CPAP: variants seen among roughly 807,000 people sequenced by gnomAD.
CPAP encodes centrosomal P4.1-associated protein.
At chr13:24,891,955 C>T in the CPAP span, among the ~76,000 whole-genome samples, 2 of 152,322 alleles carry the variant, frequency 1.3e-5, no homozygotes, top group South Asian at 2.1e-4. Context: ...TCCTTACATG[C>T]GCTTCCCAGA....
At chr13:24,906,646 G>A in the CPAP span, 1 of 1,614,068 alleles carries the variant, frequency 6.2e-7, no homozygotes, top group African/African-American at 1.3e-5. Flanking sequence ...GACTTTTCCT[G>A]TTACTACACT....
At chr13:24,899,535 T>C in the CPAP span, 11 of 1,613,928 alleles carry the variant, frequency 6.8e-6, no homozygotes, top group Admixed American at 1.7e-5. Flanking sequence ...AACTCTTCTA[T>C]TCGAGCTAAT....
chr13:24,912,194 C>G, the CPAP span: 1 of 870,416 alleles, frequency 1.1e-6, no homozygotes, highest in Non-Finnish European at 1.8e-6. Context: ...GACAGGGACC[C>G]CTAGGTAACT....
At chr13:24,928,848 C>A in the CPAP span, among the ~76,000 whole-genome samples, 2 of 152,116 alleles carry the variant, frequency 1.3e-5, no homozygotes, top group South Asian at 4.1e-4. Context: ...TCCTGGAAAC[C>A]TAATGGGTCT....
chr13:24,894,189 G>A, the CPAP span, among the ~76,000 whole-genome samples: 1 of 152,216 alleles, frequency 6.6e-6, no homozygotes, highest in Non-Finnish European at 1.5e-5. Context: ...GAGGTTCTTG[G>A]AGGAAGGAAA....
At chr13:24,899,504 T>C in the CPAP span, 1 of 1,613,458 alleles carries the variant, frequency 6.2e-7, no homozygotes, top group Non-Finnish European at 8.5e-7. Flanking sequence ...CTTTTGTAGC[T>C]TCCTCATCTC....
the CPAP span, among the ~76,000 whole-genome samples, chr13:24,933,752 TCTCA>T: frequency 6.6e-6 from 1 of 151,196 alleles, no homozygotes; most frequent in Non-Finnish European, 1.5e-5. Flanking sequence ...TTAGATGGAG[TCTCA>T]CTCTGTTGCC....
At chr13:24,930,683 T>A in the CPAP span, among the ~76,000 whole-genome samples, 1 of 152,266 alleles carries the variant, frequency 6.6e-6, no homozygotes, top group Non-Finnish European at 1.5e-5. Context: ...ATGGTGCATA[T>A]GTACCACATT....
the CPAP span, chr13:24,907,918 C>G: frequency 3.3e-3 from 3,016 of 924,438 alleles, 57 homozygotes; most frequent in Non-Finnish European, 1.2e-3. Flanking sequence ...CAAGCAAAAA[C>G]CAGAAAAATA....
At chr13:24,907,828 G>C in the CPAP span, among the ~76,000 whole-genome samples, 1 of 152,172 alleles carries the variant, frequency 6.6e-6, no homozygotes, top group South Asian at 2.1e-4. Context: ...ACAATGTCAA[G>C]GCAGCTTGAC....
the CPAP span, among the ~76,000 whole-genome samples, chr13:24,910,593 T>A: frequency 6.6e-6 from 1 of 152,216 alleles, no homozygotes; most frequent in Non-Finnish European, 1.5e-5. Flanking sequence ...TTTGGGGCTC[T>A]CAAATATTTA....
At chr13:24,906,365 T>C in the CPAP span, 20 of 1,612,534 alleles carry the variant, frequency 1.2e-5, no homozygotes, top group African/African-American at 2.5e-4. Flanking sequence ...TAACTTTTTC[T>C]GAAGAGAAAC....
the CPAP span, among the ~76,000 whole-genome samples, chr13:24,920,382 A>G: frequency 1.2e-3 from 183 of 152,340 alleles, no homozygotes; most frequent in African/African-American, 4.3e-3. Flanking sequence ...GAGTTGTAGA[A>G]GAGTTGTATA....
At chr13:24,923,271 T>G in the CPAP span, among the ~76,000 whole-genome samples, 1 of 150,164 alleles carries the variant, frequency 6.7e-6, no homozygotes, top group Non-Finnish European at 1.5e-5. Context: ...TTGCGTACGG[T>G]CTATTTTGTC....
the CPAP span, among the ~76,000 whole-genome samples, chr13:24,900,674 T>C: frequency 1.3e-5 from 2 of 151,832 alleles, no homozygotes; most frequent in Admixed American, 6.6e-5. Context: ...CTTGATCAGA[T>C]GAACCGTCCA....
At chr13:24,889,968 C>T in the CPAP span, among the ~76,000 whole-genome samples, 1 of 152,148 alleles carries the variant, frequency 6.6e-6, no homozygotes, top group Non-Finnish European at 1.5e-5. Flanking sequence ...CAGCTCCACA[C>T]CCCAATGGTC....
At chr13:24,908,420 G>A in the CPAP span, among the ~76,000 whole-genome samples, 123 of 89,698 alleles carry the variant, frequency 1.4e-3, 1 homozygote, top group East Asian at 0.033. Context: ...CCAACGTGGC[G>A]AAACCCCGTC....
the CPAP span, chr13:24,905,780 TCTCTC>T: frequency 6.2e-7 from 1 of 1,614,174 alleles, no homozygotes; most frequent in South Asian, 1.1e-5. Context: ...CAGATCAACA[TCTCTC>T]CTTTTATCTT....
the CPAP span, among the ~76,000 whole-genome samples, chr13:24,899,784 G>A: frequency 3.3e-5 from 5 of 152,222 alleles, no homozygotes; most frequent in East Asian, 1.9e-4. Flanking sequence ...GGCATTCGAC[G>A]AAGTAGTGGG....
Sources: gnomAD v4.1 joint callset for allele counts (sites outside exome capture counted in the v4.1 genomes callset) on GRCh38, gnomAD v4.1.1 for gene constraint, MANE v1.5 for transcripts, NCBI Gene and HGNC (gene_info 2026-07-23, HGNC 2026-07-21) for gene names.